Variants in FAM185A observed in about 807,000 individuals in gnomAD.
FAM185A encodes the protein family with sequence similarity 185 member A.
Under a neutral mutation model 45.7 loss-of-function variants are expected in FAM185A, and 21 were observed. That is an observed-to-expected ratio of 0.46 (90% CI 0.33 to 0.66). FAM185A has a LOEUF of 0.66. Among genes scored for constraint, FAM185A ranks in the 30% least tolerant of loss-of-function variants. The pLI, the probability that FAM185A is intolerant of heterozygous loss-of-function variation, is 0.03. For synonymous variants in FAM185A, 117 were observed against 194.0 expected (o/e 0.60, Z 3.30); for missense variants, 305 against 485.4 (o/e 0.63, Z 3.49).
intron 6 of FAM185A, among the ~76,000 whole-genome samples, chr7:102,779,351 T>G (rs1268031246): frequency 1.3e-5 from 2 of 152,080 alleles, no homozygotes; most frequent in Non-Finnish European, 2.9e-5. Flanking sequence ...TTTTGGCTTT[T>G]AAAGATATGG....
chr7:102,828,014 C>T, the FAM185A span, among the ~76,000 whole-genome samples: 97 of 152,224 alleles, frequency 6.4e-4, no homozygotes, highest in African/African-American at 1.9e-3. Flanking sequence ...AGTCAGGTAG[C>T]GTGATGCCTC....
At chr7:102,836,476 AATGCTGCAGAATC>A in the FAM185A span, among the ~76,000 whole-genome samples, 1 of 152,348 alleles carries the variant, frequency 6.6e-6, no homozygotes, top group East Asian at 1.9e-4. Flanking sequence ...TTCTGGCTCC[AATGCTGCAGAATC>A]ATACTTCTAT....
the FAM185A span, among the ~76,000 whole-genome samples, chr7:102,827,954 G>A: frequency 1.3e-5 from 2 of 151,992 alleles, no homozygotes; most frequent in Non-Finnish European, 2.9e-5. Context: ...CTCTGTTTTG[G>A]TACCAGTACC....
chr7:102,762,481 C>T (rs1794168674), intron 4 of FAM185A, among the ~76,000 whole-genome samples: 1 of 152,008 alleles, frequency 6.6e-6, no homozygotes, highest in South Asian at 2.1e-4. Flanking sequence ...GAGCCATATT[C>T]CAGGAAGTAC....
intron 6 of FAM185A, among the ~76,000 whole-genome samples, chr7:102,786,017 A>C (rs1411813720): frequency 6.6e-6 from 1 of 152,200 alleles, no homozygotes; most frequent in Non-Finnish European, 1.5e-5. Flanking sequence ...AAAAGTGGAC[A>C]AAGGATATGA....
chr7:102,781,027 C>T (rs1224791369), intron 6 of FAM185A, among the ~76,000 whole-genome samples: 2 of 152,340 alleles, frequency 1.3e-5, no homozygotes, highest in East Asian at 1.9e-4. Context: ...CCACGCATGG[C>T]TCTGAGGGTC....
chr7:102,789,257 T>C (rs7778418), intron 7 of FAM185A, among the ~76,000 whole-genome samples: 72,522 of 151,486 alleles, frequency 0.48, 20,098 homozygotes, highest in African/African-American at 0.78. Flanking sequence ...AGCTAGGTTA[T>C]AGGTGTGTAC....
chr7:102,829,643 A>G, the FAM185A span, among the ~76,000 whole-genome samples: 5 of 152,120 alleles, frequency 3.3e-5, no homozygotes, highest in Non-Finnish European at 7.4e-5. Flanking sequence ...ATTTGTAGCT[A>G]TATTTGTTTT....
intron 6 of FAM185A, among the ~76,000 whole-genome samples, chr7:102,783,427 G>T (rs1445356162): frequency 1.3e-5 from 2 of 151,958 alleles, no homozygotes; most frequent in African/African-American, 4.8e-5. Context: ...AAATGTAAAA[G>T]AACAGAAATT....
chr7:102,837,796 G>A, the FAM185A span, among the ~76,000 whole-genome samples: 1 of 152,250 alleles, frequency 6.6e-6, no homozygotes, highest in East Asian at 1.9e-4. Context: ...TTCCTCCTTG[G>A]CTTCCCAAAA....
intron 5 of FAM185A, among the ~76,000 whole-genome samples, chr7:102,776,758 T>G (rs1795099754): frequency 6.6e-6 from 1 of 151,224 alleles, no homozygotes; most frequent in African/African-American, 2.4e-5. Flanking sequence ...AGAGTAATCT[T>G]TTACTATTAG....
At chr7:102,802,912 G>T (rs997439658) in intron 7 of FAM185A, among the ~76,000 whole-genome samples, 14 of 152,032 alleles carry the variant, frequency 9.2e-5, no homozygotes, top group Non-Finnish European at 2.1e-4. Flanking sequence ...ACACCTTTAC[G>T]CATATAAACT....
At chr7:102,758,832 C>T (rs1470392963) in intron 3 of FAM185A, among the ~76,000 whole-genome samples, 1 of 149,318 alleles carries the variant, frequency 6.7e-6, no homozygotes, top group Non-Finnish European at 1.5e-5. Flanking sequence ...CATCACCTTC[C>T]TACAAATTTG....
chr7:102,832,759 G>A, the FAM185A span: 1 of 1,547,954 alleles, frequency 6.5e-7, no homozygotes. Context: ...CATATTCTGA[G>A]TCCAGCCCTG....
downstream of FAM185A, among the ~76,000 whole-genome samples, chr7:102,812,340 C>A (rs1046509044): frequency 6.6e-6 from 1 of 152,150 alleles, no homozygotes; most frequent in Non-Finnish European, 1.5e-5. Context: ...GAGGGAGCAT[C>A]TTTTTTGGCA....
chr7:102,807,528 A>C (rs1021294482), intron 7 of FAM185A, among the ~76,000 whole-genome samples: 16 of 151,904 alleles, frequency 1.1e-4, no homozygotes, highest in African/African-American at 3.9e-4. Context: ...CTCAACTAGT[A>C]TGTCTTCTCC....
the FAM185A span, among the ~76,000 whole-genome samples, chr7:102,844,933 C>T: frequency 5.1e-4 from 77 of 152,208 alleles, no homozygotes; most frequent in Non-Finnish European, 6.9e-4. Flanking sequence ...ATAAAGGATA[C>T]CAATGAACAG....
intron 2 of FAM185A, among the ~76,000 whole-genome samples, chr7:102,756,917 G>A (rs1350055073): frequency 7.7e-6 from 1 of 129,798 alleles, no homozygotes; most frequent in African/African-American, 3.1e-5. Context: ...CTTACGTTAT[G>A]TTGGTAACAA....
the FAM185A span, among the ~76,000 whole-genome samples, chr7:102,842,331 G>A: frequency 1.6e-3 from 249 of 152,222 alleles, 1 homozygote; most frequent in African/African-American, 5.5e-3. Flanking sequence ...ACTTAATCTT[G>A]GAAAACAAAT....
Sources: allele counts gnomAD v4.1 joint callset (sites outside exome capture counted in the v4.1 genomes callset), GRCh38; gene constraint gnomAD v4.1.1; transcripts MANE v1.5; gene names NCBI Gene and HGNC (gene_info 2026-07-23, HGNC 2026-07-21).